The following ARHGEF7 variants were observed in gnomAD, a reference collection of about 807,000 sequenced individuals.
ARHGEF7 encodes Rho guanine nucleotide exchange factor 7, also known as PAK-interacting exchange factor beta.
ARHGEF7 carries 33 observed loss-of-function variants against 109.8 expected under a neutral mutation model. The ratio of observed to expected loss-of-function variants is 0.30; its 90% confidence interval spans 0.23 to 0.40. The LOEUF is 0.40. Among genes scored for constraint, ARHGEF7 ranks in the 10% least tolerant of loss-of-function variants. The pLI, the probability that ARHGEF7 is intolerant of heterozygous loss-of-function variation, is 1.00. For missense variants in ARHGEF7, 938 were observed against 1,098.5 expected (o/e 0.85, Z 2.07); for synonymous variants, 458 against 424.6 (o/e 1.08, Z -0.97).
chr13:111,185,697 T>C (rs1447216775), intron 2 of ARHGEF7, among the ~76,000 whole-genome samples: 2 of 152,244 alleles, frequency 1.3e-5, no homozygotes, highest in Non-Finnish European at 2.9e-5. Context: ...TTTGCAGGCA[T>C]GTGCTCCTAG....
chr13:111,226,209 G>A (rs1180277930), intron 5 of ARHGEF7, among the ~76,000 whole-genome samples: 1 of 152,238 alleles, frequency 6.6e-6, no homozygotes, highest in African/African-American at 2.4e-5. Context: ...TGAGGAAGCT[G>A]CAGAAAAAGA....
intron 5 of ARHGEF7, among the ~76,000 whole-genome samples, chr13:111,231,849 G>A (rs1159699878): frequency 6.6e-6 from 1 of 152,106 alleles, no homozygotes; most frequent in Non-Finnish European, 1.5e-5. Context: ...GTGGAGGTGA[G>A]CTTTGAGGGA....
chr13:111,165,594 C>G (rs1211935303), intron 2 of ARHGEF7, among the ~76,000 whole-genome samples: 1 of 152,194 alleles, frequency 6.6e-6, no homozygotes, highest in Non-Finnish European at 1.5e-5. Context: ...TTATCTGCAT[C>G]CCTTCCCCTT....
chr13:111,244,346 T>C, intron 8 of ARHGEF7, 52 bp downstream of exon 8: 1 of 1,055,760 alleles, frequency 9.5e-7, no homozygotes, highest in Non-Finnish European at 1.4e-6. Context: ...AATTGGTATT[T>C]AAAGGATTAA....
intron 19 of ARHGEF7, 56 bp from the exon 20 acceptor site, chr13:111,300,692 T>C: frequency 8.1e-7 from 1 of 1,233,036 alleles, no homozygotes; most frequent in Non-Finnish European, 1.1e-6. Context: ...GTTGTTTTTC[T>C]TCATTCTGCC....
rs113579440 is a variant in ARHGEF7, at chr13:111,292,161, T to C, written c.2178T>C (p.Asp726=). Residue 726 remains aspartate, a synonymous_variant, in exon 19 of 22, where the codon GAT becomes GAC. Coordinates refer to ENST00000646102, the MANE Select transcript of ARHGEF7 (RefSeq NM_001354046.2). ...TGATGCATAATCACGTCTTGGCTGATGATGACCAACCAAGCCTAGACTCCC... is the reference window on the plus strand; with the variant it reads ...TGATGCATAATCACGTCTTGGCTGACGATGACCAACCAAGCCTAGACTCCC... The part of the protein sequence containing the change: ...TDLMHNHVLA[D]DDQPSLDSLG... 450 of 1,613,612 alleles carry C rather than the reference T, an allele frequency of 2.8e-4. 1 individual carries two copies. In the African/African-American group the frequency reaches 4.9e-3, roughly 18 times the overall value.
At chr13:111,254,323 T>C (rs76434535) in intron 8 of ARHGEF7, among the ~76,000 whole-genome samples, 1 of 152,274 alleles carries the variant, frequency 6.6e-6, no homozygotes, top group Admixed American at 6.5e-5. Flanking sequence ...TTTTTAAAAA[T>C]GTGATTTTGA....
At position 111,274,718 on chromosome 13, in the gene ARHGEF7, CT is replaced by C; in HGVS notation, c.1213-9del. 1 of 1,450,482 alleles carries C rather than the reference CT, an allele frequency of 6.9e-7. No homozygotes were observed. The highest frequency in any genetic ancestry group is 9.2e-7 in the Non-Finnish European group (1 of 1,088,438). The allele number at this position is 1,450,482 out of a possible 1,614,324, so 89.9% of individuals were successfully genotyped here. ...CCTTATGAAAGCTAATTGTATGTTT[CT>C]TTTACTCAAAGGATTATCATACAGA... is the stretch of plus-strand genomic sequence containing the variant. On this transcript the variant is annotated splice_polypyrimidine_tract_variant and intron_variant, in intron 10 of 21. Transcript: ENST00000646102.
chr13:111,173,000 T>G (rs2077744634), intron 2 of ARHGEF7, among the ~76,000 whole-genome samples: 1 of 152,242 alleles, frequency 6.6e-6, no homozygotes, highest in Non-Finnish European at 1.5e-5. Flanking sequence ...AACCTGTGTA[T>G]AGAAATAAAA....
intron 6 of ARHGEF7, among the ~76,000 whole-genome samples, chr13:111,238,813 TG>T: frequency 6.6e-6 from 1 of 152,274 alleles, no homozygotes; most frequent in South Asian, 2.1e-4. Context: ...ACAGTCCTTA[TG>T]GCCTTCCCTG....
intron 9 of ARHGEF7, among the ~76,000 whole-genome samples, chr13:111,270,736 T>G (rs1595392199): frequency 6.6e-6 from 1 of 152,366 alleles, no homozygotes; most frequent in Middle Eastern, 3.4e-3. Context: ...AAGGTACTTA[T>G]GTGGATTACA....
At chr13:111,210,473 A>C (rs1414319639) in intron 4 of ARHGEF7, among the ~76,000 whole-genome samples, 1 of 152,190 alleles carries the variant, frequency 6.6e-6, no homozygotes, top group Non-Finnish European at 1.5e-5. Flanking sequence ...TTTACAGGGG[A>C]GGGAATCCCT....
chr13:111,196,323 C>T (rs9588380), intron 2 of ARHGEF7, among the ~76,000 whole-genome samples: 16,258 of 152,222 alleles, frequency 0.11, 1,044 homozygotes, highest in African/African-American at 0.18. Flanking sequence ...TTGTCCCTTT[C>T]TTCGGCTGTC....
intron 5 of ARHGEF7, among the ~76,000 whole-genome samples, chr13:111,224,051 T>G (rs2084846491): frequency 6.6e-6 from 1 of 152,156 alleles, no homozygotes; most frequent in African/African-American, 2.4e-5. Flanking sequence ...GAGACAGGGT[T>G]TCACCATGTC....
At chr13:111,277,045 C>T (rs1421949156) in intron 12 of ARHGEF7, among the ~76,000 whole-genome samples, 1 of 152,056 alleles carries the variant, frequency 6.6e-6, no homozygotes, top group African/African-American at 2.4e-5. Context: ...AACACTGAGT[C>T]GACATTTGGG....
At chr13:111,230,841 G>A (rs2085946458) in intron 5 of ARHGEF7, among the ~76,000 whole-genome samples, 1 of 152,220 alleles carries the variant, frequency 6.6e-6, no homozygotes. Context: ...AAGGCAACCT[G>A]CCTGGACTTA....
chr13:111,184,296 C>T (rs2079043259), intron 2 of ARHGEF7, among the ~76,000 whole-genome samples: 3 of 152,104 alleles, frequency 2.0e-5, no homozygotes, highest in Admixed American at 2.0e-4. Context: ...TATAAATTAC[C>T]CAGCCTTGGG....
intron 2 of ARHGEF7, among the ~76,000 whole-genome samples, chr13:111,162,990 G>A (rs111812142): frequency 3.2e-4 from 49 of 152,260 alleles, no homozygotes; most frequent in African/African-American, 1.1e-3. Context: ...TTGAAACTTG[G>A]CATTGAAGGT....
At chr13:111,153,132 T>C (rs1321453900) in intron 1 of ARHGEF7, among the ~76,000 whole-genome samples, 1 of 152,262 alleles carries the variant, frequency 6.6e-6, no homozygotes. Context: ...TGCTTAATTA[T>C]TTTAAGTCAT....
Sources: gnomAD v4.1 joint callset for allele counts (sites outside exome capture counted in the v4.1 genomes callset) on GRCh38, gnomAD v4.1.1 for gene constraint, MANE v1.5 for transcripts, NCBI Gene and HGNC (gene_info 2026-07-23, HGNC 2026-07-21) for gene names.